Variants in CACNA1S observed in about 807,000 individuals in gnomAD.
CACNA1S encodes the protein voltage-dependent L-type calcium channel subunit alpha-1S.
A neutral mutation model predicts 207.4 loss-of-function variants in CACNA1S; 126 were observed. That is an observed-to-expected ratio of 0.61 (90% CI 0.53 to 0.70). The LOEUF (loss-of-function observed/expected upper bound fraction) is 0.70. CACNA1S is among the 30% of genes least tolerant of loss of function. The pLI, the probability that CACNA1S is intolerant of heterozygous loss-of-function variation, is 0.00. For synonymous variants in CACNA1S, 960 were observed against 932.7 expected (o/e 1.03, Z -0.53); for missense variants, 2,349 against 2,422.8 (o/e 0.97, Z 0.64).
At chr1:201,068,035 G>A (rs1026749182) in intron 19 of CACNA1S, among the ~76,000 whole-genome samples, 4 of 152,020 alleles carry the variant, frequency 2.6e-5, no homozygotes, top group Admixed American at 1.3e-4. Flanking sequence ...CTGGAACCCC[G>A]TGCATCTGTG....
intron 32 of CACNA1S, among the ~76,000 whole-genome samples, chr1:201,051,428 C>A (rs1660645021): frequency 6.6e-6 from 1 of 152,092 alleles, no homozygotes; most frequent in African/African-American, 2.4e-5. Flanking sequence ...CTGTTCTGAC[C>A]AAAGCAAGGC....
At chr1:201,069,882 G>A (rs564118962) in intron 17 of CACNA1S, among the ~76,000 whole-genome samples, 5 of 152,292 alleles carry the variant, frequency 3.3e-5, no homozygotes. Context: ...CCCATCAAAT[G>A]AAAATGGGAC....
rs886946322 is a variant in CACNA1S at position 201,044,228 on chromosome 1, T to G, written c.4797+100A>C. On this transcript the variant is annotated intron_variant, in intron 39 of 43. Transcript: ENST00000362061. ...CGGAGTGGGGTATCTTCAGCTCCCA[T>G]GTCCCCCTCTCGTGTGGCTGGGCTC... 11 of 1,479,356 alleles carry G rather than the reference T, an allele frequency of 7.4e-6. No homozygotes were observed. The East Asian group carries it at 2.3e-4, about 31-fold the overall frequency. 91.6% of individuals were successfully genotyped at this position (1,479,356 alleles called of 1,614,324 possible). A position where few individuals can be genotyped will look rare whatever the true frequency, so the allele number is the denominator to read the frequency against.
intron 3 of CACNA1S, among the ~76,000 whole-genome samples, chr1:201,092,330 A>G (rs1490433179): frequency 3.3e-5 from 5 of 152,152 alleles, no homozygotes; most frequent in Admixed American, 6.5e-5. Context: ...TACTCAGTGA[A>G]AAGAGTATGG....
chr1:201,097,723 C>T (rs1388455556), intron 2 of CACNA1S, among the ~76,000 whole-genome samples: 2 of 152,142 alleles, frequency 1.3e-5, no homozygotes, highest in Admixed American at 1.3e-4. Context: ...AGCATTTGGG[C>T]TTGGGGGCCA....
Position 201,077,896 on chromosome 1 carries a change from C to T in CACNA1S, c.1602G>A (p.Arg534=), listed in dbSNP as rs372105058. ...ISVLRCIRLL[R]IFKITKYWTS... is the part of the protein sequence containing the mutation. The stretch of plus-strand genomic sequence containing the variant: ...GCACTCACTTGGTGATCTTGAAGAT[C>T]CTCAGGAGGCGGATGCAGCGGAGCA... Residue 534 remains arginine (R), a synonymous_variant, in exon 11 of 44, where the codon AGG becomes AGA. Transcript: ENST00000362061. 3 of 1,613,768 alleles carry T rather than the reference C, an allele frequency of 1.9e-6. No homozygotes were observed. Among genetic ancestry groups the T allele is most frequent in the Admixed American group, 3.3e-5 (2 of 60,010 alleles).
chr1:201,055,717 C>A (rs868533979), intron 28 of CACNA1S, among the ~76,000 whole-genome samples: 5 of 152,194 alleles, frequency 3.3e-5, no homozygotes, highest in Admixed American at 6.5e-5. Flanking sequence ...CTAGTCCTTT[C>A]CCTGGTTTGT....
chr1:201,043,374 C>A lies in CACNA1S; in HGVS notation c.4955G>T (p.Arg1652Leu). Residue 1652 changes from arginine (R) to leucine (L), a missense_variant, in exon 40 of 44, where the codon CGC becomes CTC. Transcript: ENST00000362061. Reference sequence around the variant, plus strand: ...ATTGGCACGAGCCAGGGGGTTGGTGCGTGGATCTTGTGGGAAGTCCTCCAA... The same window carrying A: ...ATTGGCACGAGCCAGGGGGTTGGTGAGTGGATCTTGTGGGAAGTCCTCCAA... The part of the protein sequence containing the change: ...VFLEDFPQDP[R>L]TNPLARANTN... 4.3e-6 allele frequency: 7 copies of A among 1,614,026 alleles called. No individual in the cohort carries two copies. Among genetic ancestry groups the A allele is most frequent in the Non-Finnish European group, 5.9e-6 (7 of 1,180,004 alleles).
rs751087306 is a variant in CACNA1S, at chr1:201,083,319, T to A, written c.1236A>T (p.Arg412=). 6.2e-6 allele frequency: 10 copies of A among 1,614,180 alleles called. 1 individual carries two copies. The South Asian group carries it at 1.1e-4, about 18-fold the overall frequency. ...AGLNKIIQFI[R]HWRQWNRIFR... ...AGATGCGGTTCCACTGCCTCCAATG[T>A]CGGCTGAGGGAGGGGACAGAGGATG... Residue 412 remains arginine (R), a synonymous_variant, in exon 10 of 44, where the codon CGA becomes CGT. Transcript: ENST00000362061.
At chr1:201,105,597 C>T (rs1662847270) in intron 2 of CACNA1S, among the ~76,000 whole-genome samples, 2 of 152,140 alleles carry the variant, frequency 1.3e-5, no homozygotes, top group Admixed American at 1.3e-4. Context: ...GCCAGGATGT[C>T]AGCATCCTGG....
intron 2 of CACNA1S, among the ~76,000 whole-genome samples, chr1:201,096,223 C>T (rs1662425652): frequency 6.6e-6 from 1 of 152,206 alleles, no homozygotes; most frequent in African/African-American, 2.4e-5. Flanking sequence ...CAAGGCCTGC[C>T]TCTTTCCACC....
Position 201,053,800 on chromosome 1 carries a change from C to T in CACNA1S, c.3667-213G>A, listed in dbSNP as rs1026109273. 7.9e-5 allele frequency among the ~76,000 whole-genome samples: 12 copies of T among 152,140 alleles called. No individual in the cohort carries two copies. The highest frequency in any genetic ancestry group is 5.9e-4 in the Admixed American group (9 of 15,284). On this transcript the variant is annotated intron_variant, in intron 29 of 43. Transcript: ENST00000362061. The surrounding 1 kb of genome is among the most constrained non-coding windows in gnomAD (Gnocchi z 5.1). ...TTCAGCTGGGAGGCAGGGAAGAGGA[C>T]GTGGGGCACCAGGCAGCGTGGTGAA...
intron 22 of CACNA1S, among the ~76,000 whole-genome samples, chr1:201,065,429 A>C (rs947393032): frequency 2.6e-5 from 4 of 152,242 alleles, no homozygotes; most frequent in Non-Finnish European, 5.9e-5. Context: ...TATTTAAAAG[A>C]TGGACATCAA....
At position 201,061,123 on chromosome 1, in the gene CACNA1S, G is replaced by A. The variant is rs942470837; in HGVS notation, c.3255+144C>T. ...ATTGCTTCAGTTTGGAGATAGGGTA[G>A]GGTGCATGGAGGCTAGGGCTTGGCA... On this transcript the variant is annotated intron_variant, in intron 25 of 43. Transcript: ENST00000362061. 17 of 732,822 alleles carry A rather than the reference G, an allele frequency of 2.3e-5. No individual in the cohort carries two copies. The Admixed American group carries it at 3.7e-4, about 16-fold the overall frequency. 45.4% of individuals were successfully genotyped at this position (732,822 alleles called of 1,614,324 possible). A position where few individuals can be genotyped will look rare whatever the true frequency, so the allele number is the denominator to read the frequency against.
chr1:201,111,799 C>G (rs1265801805), intron 1 of CACNA1S, among the ~76,000 whole-genome samples: 1 of 152,156 alleles, frequency 6.6e-6, no homozygotes, highest in Non-Finnish European at 1.5e-5. Flanking sequence ...CACATGGGAA[C>G]AGTCCCCATG....
chr1:201,108,246 G>A (rs1662969832), intron 2 of CACNA1S, among the ~76,000 whole-genome samples: 1 of 151,866 alleles, frequency 6.6e-6, no homozygotes, highest in African/African-American at 2.4e-5. Context: ...GATGGAACAA[G>A]AGGCATGCAC....
At chr1:201,070,246 C>T (rs1661400672) in intron 17 of CACNA1S, 26 bp downstream of exon 17, 1 of 1,613,522 alleles carries the variant, frequency 6.2e-7, no homozygotes, top group Non-Finnish European at 8.5e-7. Flanking sequence ...CATCAATCAC[C>T]CCCACAGCAG....
intron 2 of CACNA1S, among the ~76,000 whole-genome samples, chr1:201,104,147 C>A (rs1199566037): frequency 6.6e-6 from 1 of 152,260 alleles, no homozygotes; most frequent in African/African-American, 2.4e-5. Context: ...CAAGGATTAT[C>A]TAATTATCCA....
chr1:201,070,523 G>A, intron 16 of CACNA1S, 119 bp from the exon 17 acceptor site: 2 of 1,376,214 alleles, frequency 1.5e-6, no homozygotes, highest in Admixed American at 1.7e-5. Context: ...CCACCAGGCT[G>A]ACTTGGGACC....
Sources: gnomAD v4.1 joint callset for allele counts (sites outside exome capture counted in the v4.1 genomes callset) on GRCh38, gnomAD v4.1.1 for gene constraint, Gnocchi (gnomAD v3.1) non-coding constraint, MANE v1.5 for transcripts, NCBI Gene and HGNC (gene_info 2026-07-23, HGNC 2026-07-21) for gene names.